The following BMP6 variants were observed in gnomAD, a reference collection of about 807,000 sequenced individuals.
The protein encoded by BMP6 is VG-1-R.
Under a neutral mutation model 54.1 loss-of-function variants are expected in BMP6, and 17 were observed. That is an observed-to-expected ratio of 0.31 (90% CI 0.22 to 0.47). The LOEUF (loss-of-function observed/expected upper bound fraction) is 0.47. BMP6 is among the 20% of genes least tolerant of loss of function. BMP6 has a pLI of 1.00. For synonymous variants in BMP6, 328 were observed against 291.2 expected (o/e 1.13, Z -1.28); for missense variants, 720 against 690.4 (o/e 1.04, Z -0.48).
rs1305205521 is a variant in BMP6, at chr6:7,727,089, G to C, written c.134G>C (p.Gly45Ala). ...AAAAAGGQLL[G>A]DGGSPGRTEQ... ...GCCGCCGCCGGGGGGCAGCTGCTGGGGGACGGCGGGAGCCCCGGCCGCACG... is the reference window on the plus strand; with the variant it reads ...GCCGCCGCCGGGGGGCAGCTGCTGGCGGACGGCGGGAGCCCCGGCCGCACG... The change falls in exon 1 of 7, where the codon GGG becomes GCG. Residue 45 changes from glycine (G) to alanine (A), a missense_variant. Coordinates refer to ENST00000283147, the MANE Select transcript of BMP6 (RefSeq NM_001718.6). 7.5e-7 allele frequency: 1 copy of C among 1,325,728 alleles called. No homozygotes were observed. The highest frequency in any genetic ancestry group is 3.8e-5 in the Admixed American group (1 of 26,258). 82.1% of individuals were successfully genotyped at this position (1,325,728 alleles called of 1,614,324 possible). A position where few individuals can be genotyped will look rare whatever the true frequency, so the allele number is the denominator to read the frequency against.
At chr6:7,778,970 C>A (rs1194125573) in intron 1 of BMP6, among the ~76,000 whole-genome samples, 2 of 152,226 alleles carry the variant, frequency 1.3e-5, no homozygotes, top group African/African-American at 2.4e-5. Context: ...TGTGCAACTT[C>A]TTTTTCACCA....
chr6:7,836,822 A>G (rs528091944), intron 1 of BMP6, among the ~76,000 whole-genome samples: 1 of 152,328 alleles, frequency 6.6e-6, no homozygotes, highest in African/African-American at 2.4e-5. Flanking sequence ...CAGTCTTTGT[A>G]TTACAATTCA....
At chr6:7,760,111 G>A (rs1297547639) in intron 1 of BMP6, among the ~76,000 whole-genome samples, 7 of 146,150 alleles carry the variant, frequency 4.8e-5, no homozygotes, top group African/African-American at 7.6e-5. Flanking sequence ...CTGTCACCCA[G>A]GCTGGAGTAC....
intron 1 of BMP6, among the ~76,000 whole-genome samples, chr6:7,739,160 G>A (rs927464374): frequency 6.6e-6 from 1 of 152,146 alleles, no homozygotes; most frequent in Non-Finnish European, 1.5e-5. Context: ...GTGTCTGGGG[G>A]TAGTTTTGCG....
At chr6:7,807,913 C>CTTTTTT (rs755894743) in intron 1 of BMP6, among the ~76,000 whole-genome samples, 48 of 81,486 alleles carry the variant, frequency 5.9e-4, no homozygotes, top group Non-Finnish European at 7.3e-4. Context: ...GAAGTCTTTA[C>CTTTTTT]TTTTTTTTTT....
chr6:7,878,174 C>T (rs1398875424), intron 4 of BMP6, among the ~76,000 whole-genome samples: 1 of 152,202 alleles, frequency 6.6e-6, no homozygotes, highest in Admixed American at 6.5e-5. Context: ...TGCCTATGGC[C>T]TTTGCCCGTA....
intron 1 of BMP6, among the ~76,000 whole-genome samples, chr6:7,819,658 C>G (rs1021468690): frequency 1.1e-4 from 17 of 152,174 alleles, no homozygotes; most frequent in Admixed American, 3.3e-4. Context: ...CTCTGGAAAT[C>G]CTGCTTAGTT....
At chr6:7,840,399 G>A (rs1758950255) in intron 1 of BMP6, among the ~76,000 whole-genome samples, 1 of 152,084 alleles carries the variant, frequency 6.6e-6, no homozygotes, top group African/African-American at 2.4e-5. Context: ...GGTTTCCTTG[G>A]TGCTTTACTA....
At chr6:7,878,381 G>A (rs1258302599) in intron 4 of BMP6, among the ~76,000 whole-genome samples, 5 of 152,198 alleles carry the variant, frequency 3.3e-5, no homozygotes, top group African/African-American at 1.2e-4. Flanking sequence ...GCTCTTGCTG[G>A]TGATTCAGTT....
At chr6:7,875,584 C>G (rs1223987485) in intron 4 of BMP6, among the ~76,000 whole-genome samples, 1 of 152,104 alleles carries the variant, frequency 6.6e-6, no homozygotes, top group Non-Finnish European at 1.5e-5. Context: ...GGGAGGATTG[C>G]TTGAGCCCAG....
chr6:7,855,119 C>T (rs2113267639), intron 2 of BMP6, among the ~76,000 whole-genome samples: 1 of 152,302 alleles, frequency 6.6e-6, no homozygotes, highest in East Asian at 1.9e-4. Flanking sequence ...GTGGAGCAGC[C>T]TACATTTGGT....
intron 1 of BMP6, among the ~76,000 whole-genome samples, chr6:7,762,320 C>T (rs1757625115): frequency 6.6e-6 from 1 of 152,214 alleles, no homozygotes; most frequent in Non-Finnish European, 1.5e-5. Context: ...TCAAAGGACA[C>T]ATCCAAATTC....
At chr6:7,766,952 T>TA (rs1554119654) in intron 1 of BMP6, among the ~76,000 whole-genome samples, 3 of 96,578 alleles carry the variant, frequency 3.1e-5, no homozygotes, top group African/African-American at 8.9e-5. Context: ...TATTTTTATT[T>TA]TTTATTTATT....
chr6:7,739,408 C>A (rs1207383971), intron 1 of BMP6, among the ~76,000 whole-genome samples: 1 of 152,086 alleles, frequency 6.6e-6, no homozygotes, highest in East Asian at 1.9e-4. Flanking sequence ...TTTTTTTCTG[C>A]ACAAAAATAC....
chr6:7,786,150 A>G (rs1758016265), intron 1 of BMP6, among the ~76,000 whole-genome samples: 1 of 152,102 alleles, frequency 6.6e-6, no homozygotes. Context: ...CCTGATAGTG[A>G]AGTTTTCTCT....
At chr6:7,755,490 G>T (rs1455148597) in intron 1 of BMP6, among the ~76,000 whole-genome samples, 5 of 151,902 alleles carry the variant, frequency 3.3e-5, no homozygotes, top group African/African-American at 1.2e-4. Flanking sequence ...TTGTACTATT[G>T]TTTTCATATA....
At chr6:7,772,027 C>T (rs1757796354) in intron 1 of BMP6, among the ~76,000 whole-genome samples, 1 of 149,314 alleles carries the variant, frequency 6.7e-6, no homozygotes, top group East Asian at 2.0e-4. Context: ...GCACTCCAGC[C>T]TGGGCGACAG....
rs749322492 is a variant in BMP6 at position 7,861,595 on chromosome 6, G to A, written c.1002G>A (p.Arg334=). Reference sequence around the variant, plus strand: ...GGCTTCAGCTGAGCGTGGTGACAAGGGATGGTAAGTTATTATCCGCAAGCC... The same window carrying A: ...GGCTTCAGCTGAGCGTGGTGACAAGAGATGGTAAGTTATTATCCGCAAGCC... ...NMGLQLSVVT[R]DGVHVHPRAA... Residue 334 remains arginine, a synonymous_variant, in exon 3 of 7, where the codon AGG becomes AGA. Transcript: ENST00000283147. 3.7e-6 allele frequency: 6 copies of A among 1,613,972 alleles called. No individual in the cohort carries two copies.
chr6:7,839,945 C>G (rs1021243004), intron 1 of BMP6, among the ~76,000 whole-genome samples: 1 of 152,214 alleles, frequency 6.6e-6, no homozygotes, highest in South Asian at 2.1e-4. Context: ...TCTAGTTTCT[C>G]TAAATCTTTA....
Sources: allele counts gnomAD v4.1 joint callset (sites outside exome capture counted in the v4.1 genomes callset), GRCh38; gene constraint gnomAD v4.1.1; transcripts MANE v1.5; gene names NCBI Gene and HGNC (gene_info 2026-07-23, HGNC 2026-07-21).